The following MASTL variants were observed in gnomAD, a reference collection of about 807,000 sequenced individuals.
MASTL encodes the protein microtubule associated serine/threonine kinase like.
MASTL carries 54 observed loss-of-function variants against 82.5 expected under a neutral mutation model. That is an observed-to-expected ratio of 0.65 (90% CI 0.53 to 0.82). The LOEUF is 0.82. MASTL is among the 40% of genes least tolerant of loss of function. The pLI is 0.00. For synonymous variants in MASTL, 323 were observed against 368.9 expected (o/e 0.88, Z 1.43); for missense variants, 950 against 1,047.8 (o/e 0.91, Z 1.29).
Position 27,186,478 on chromosome 10 carries a change from C to G in MASTL, c.2582C>G (p.Ser861Cys), listed in dbSNP as rs2058757703. ...CAGCCAGATGATGAAACAGATACCT[C>G]CTATTTTGAAGCCAGGAATACTGCT... ...IPQPDDETDTSYFEARNTAQH... is the reference protein window; with the variant it reads ...IPQPDDETDTCYFEARNTAQH... The change falls in exon 12 of 12, where the codon TCC becomes TGC. Residue 861 changes from serine to cysteine, a missense_variant. Physicochemically the swap from Ser to Cys is moderately radical, Grantham distance 112 (BLOSUM62 -1). Coordinates refer to ENST00000375940, the MANE Select transcript of MASTL (RefSeq NM_001172303.3). 5.6e-6 allele frequency: 9 copies of G among 1,614,126 alleles called. No individual in the cohort carries two copies. The East Asian group carries it at 2.0e-4, about 36-fold the overall frequency.
chr10:27,174,082 C>T (rs2058030586), intron 9 of MASTL, among the ~76,000 whole-genome samples: 1 of 151,936 alleles, frequency 6.6e-6, no homozygotes, highest in East Asian at 2.0e-4. Context: ...GGGCTGGTTA[C>T]GGTGGCTCAC....
chr10:27,164,945 C>A (rs937116822), intron 4 of MASTL, 119 bp from the exon 5 acceptor site: 1 of 722,992 alleles, frequency 1.4e-6, no homozygotes, highest in Admixed American at 2.2e-5. Flanking sequence ...GCCACTGTCT[C>A]CTTTTTTAAC....
intron 9 of MASTL, among the ~76,000 whole-genome samples, chr10:27,180,146 G>A (rs909164413): frequency 1.3e-5 from 2 of 152,180 alleles, no homozygotes; most frequent in Admixed American, 1.3e-4. Context: ...ATCTGGGGCT[G>A]ATGGCGTGGG....
intron 1 of MASTL, among the ~76,000 whole-genome samples, chr10:27,155,939 C>T (rs1248503281): frequency 6.6e-6 from 1 of 152,226 alleles, no homozygotes; most frequent in African/African-American, 2.4e-5. Flanking sequence ...TTACATCGGT[C>T]TTAGTACAAC....
rs769714867 is a variant in MASTL at position 27,170,766 on chromosome 10, A to G, written c.1807A>G (p.Asn603Asp). The part of the protein sequence containing the change: ...SIKESSFEES[N>D]IEDPLIVTPD... The stretch of plus-strand genomic sequence containing the variant: ...CAAAGAATCCTCTTTTGAAGAATCA[A>G]ATATTGAAGATCCACTTATTGTAAC... The change falls in exon 8 of 12, where the codon AAT becomes GAT. Residue 603 changes from asparagine to aspartate, a missense_variant. Coordinates refer to ENST00000375940, the MANE Select transcript of MASTL (RefSeq NM_001172303.3). 3 of 1,614,122 alleles carry G rather than the reference A, an allele frequency of 1.9e-6. No individual in the cohort carries two copies. Among genetic ancestry groups the G allele is most frequent in the Non-Finnish European group, 2.5e-6 (3 of 1,179,994 alleles).
At chr10:27,169,112 G>T (rs1331436907) in intron 7 of MASTL, among the ~76,000 whole-genome samples, 4 of 151,776 alleles carry the variant, frequency 2.6e-5, no homozygotes, top group African/African-American at 9.7e-5. Flanking sequence ...TGCTCTTTGG[G>T]GTTTGTAATT....
rs1282750065 is a variant in MASTL, at chr10:27,159,074, A to G, written c.324+388A>G. Among the ~76,000 whole-genome samples the G allele has an allele frequency of 1.3e-5, 2 of 152,192 alleles. No individual in the cohort carries two copies. Among genetic ancestry groups the G allele is most frequent in the Admixed American group, 6.5e-5 (1 of 15,276 alleles). ...GTAAAAATTAGCTGGGCATGGTGGT[A>G]TGCAGCTAGCTAATAGAGATACCAT... On this transcript the variant is annotated intron_variant, in intron 2 of 11. Transcript: ENST00000375940. The surrounding 1 kb of genome is among the most constrained non-coding windows in gnomAD (Gnocchi z 4.0).
intron 11 of MASTL, among the ~76,000 whole-genome samples, chr10:27,183,676 A>G (rs2058460108): frequency 6.6e-6 from 1 of 152,170 alleles, no homozygotes; most frequent in African/African-American, 2.4e-5. Context: ...TGTCATTTGC[A>G]TCAGCTTCTA....
At chr10:27,158,397 C>T in intron 1 of MASTL, 152 bp from the exon 2 acceptor site, 3 of 653,074 alleles carry the variant, frequency 4.6e-6, no homozygotes, top group Non-Finnish European at 8.0e-6. Flanking sequence ...GTCCCAGCTA[C>T]TTGGGAGGCT....
intron 11 of MASTL, among the ~76,000 whole-genome samples, chr10:27,184,907 G>C (rs923936950): frequency 6.6e-6 from 1 of 152,152 alleles, no homozygotes; most frequent in South Asian, 2.1e-4. Context: ...TAGGAACAAT[G>C]ACAGGTAATG....
chr10:27,180,836 C>T (rs1461298611), intron 9 of MASTL, 117 bp from the exon 10 acceptor site: 8 of 750,234 alleles, frequency 1.1e-5, no homozygotes, highest in Non-Finnish European at 1.7e-5. Context: ...TTTGCTTCCC[C>T]CTGGTCCTAC....
chr10:27,171,793 T>G (rs2057949225), intron 8 of MASTL, among the ~76,000 whole-genome samples: 1 of 150,752 alleles, frequency 6.6e-6, no homozygotes, highest in South Asian at 2.1e-4. Flanking sequence ...GATGATCTCT[T>G]CTTAAGAGAA....
At chr10:27,169,666 A>AATTTGT (rs1197590604) in intron 7 of MASTL, among the ~76,000 whole-genome samples, 3 of 152,180 alleles carry the variant, frequency 2.0e-5, no homozygotes, top group Non-Finnish European at 4.4e-5. Context: ...GTTGCCTGTT[A>AATTTGT]ATTTGTCCTG....
At chr10:27,166,389 A>C (rs1015293610) in intron 6 of MASTL, among the ~76,000 whole-genome samples, 1 of 152,206 alleles carries the variant, frequency 6.6e-6, no homozygotes, top group South Asian at 2.1e-4. Flanking sequence ...TCATATTCTA[A>C]CCTTATAGCA....
chr10:27,167,864 C>T (rs1437530391), intron 7 of MASTL, among the ~76,000 whole-genome samples: 1 of 151,490 alleles, frequency 6.6e-6, no homozygotes, highest in Non-Finnish European at 1.5e-5. Context: ...TAGAGCTAAG[C>T]CCTTAAAGTG....
At chr10:27,155,325 G>C, upstream of MASTL, 1 of 1,245,130 alleles carries the variant, frequency 8.0e-7, no homozygotes, top group Non-Finnish European at 1.1e-6. Context: ...GTGACGTCAC[G>C]GCCGCGCGCG....
chr10:27,178,029 A>G (rs1175928799), intron 9 of MASTL, among the ~76,000 whole-genome samples: 3 of 152,178 alleles, frequency 2.0e-5, no homozygotes, highest in African/African-American at 7.2e-5. Context: ...TTTTTCATCA[A>G]CTTTTAAAGG....
chr10:27,168,520 G>T (rs900518080), intron 7 of MASTL, among the ~76,000 whole-genome samples: 1 of 152,108 alleles, frequency 6.6e-6, no homozygotes, highest in African/African-American at 2.4e-5. Flanking sequence ...TATAATTCAA[G>T]AATATCCTTT....
At chr10:27,185,248 C>A (rs2058616787) in intron 11 of MASTL, among the ~76,000 whole-genome samples, 1 of 152,134 alleles carries the variant, frequency 6.6e-6, no homozygotes, top group South Asian at 2.1e-4. Flanking sequence ...AAAACTGGAG[C>A]ATTCATCATG....
Sources: allele counts gnomAD v4.1 joint callset (sites outside exome capture counted in the v4.1 genomes callset), GRCh38; gene constraint gnomAD v4.1.1; non-coding constraint Gnocchi (gnomAD v3.1); transcripts MANE v1.5; gene names NCBI Gene and HGNC (gene_info 2026-07-23, HGNC 2026-07-21).